The following TLN2 variants were observed in gnomAD, a reference collection of about 807,000 sequenced individuals.
TLN2 encodes the protein talin-2.
In TLN2, 118 loss-of-function variants were observed where a neutral mutation model predicts 294.7. That is an observed-to-expected ratio of 0.40 (90% CI 0.34 to 0.47). The LOEUF (loss-of-function observed/expected upper bound fraction) is 0.47. TLN2 is among the 20% of genes least tolerant of loss of function. The probability of loss-of-function intolerance (pLI) is 0.84; values close to 1 mark genes in which losing one functional copy is unlikely to be tolerated. For synonymous variants in TLN2, 1,431 were observed against 1,304.5 expected, an observed-to-expected ratio of 1.10 and a Z score of -2.09; for missense variants, 3,083 against 3,282.2, an observed-to-expected ratio of 0.94 and a Z score of 1.48.
At chr15:62,793,902 G>T (rs1327078170) in intron 46 of TLN2, among the ~76,000 whole-genome samples, 1 of 147,790 alleles carries the variant, frequency 6.8e-6, no homozygotes, top group Admixed American at 6.9e-5. Flanking sequence ...AGGCTGCTCT[G>T]TCCGTGGCCC....
chr15:62,518,391 T>G (rs2040289762), intron 1 of TLN2, among the ~76,000 whole-genome samples: 1 of 152,076 alleles, frequency 6.6e-6, no homozygotes, highest in African/African-American at 2.4e-5. Context: ...CTTGGAGAAG[T>G]AGGAGGAGCG....
chr15:62,586,469 C>G (rs984772515), intron 1 of TLN2, among the ~76,000 whole-genome samples: 1 of 152,120 alleles, frequency 6.6e-6, no homozygotes, highest in Non-Finnish European at 1.5e-5. Flanking sequence ...ACTTTTTAGC[C>G]AAGTTTATAA....
intron 1 of TLN2, among the ~76,000 whole-genome samples, chr15:62,585,779 G>A (rs748106391): frequency 4.6e-5 from 7 of 152,100 alleles, no homozygotes; most frequent in Non-Finnish European, 8.8e-5. Context: ...TTCATAATAG[G>A]CATTTTAAAC....
At chr15:62,481,793 TCTTTC>T (rs1246031316) in intron 1 of TLN2, among the ~76,000 whole-genome samples, 5 of 129,336 alleles carry the variant, frequency 3.9e-5, no homozygotes, top group South Asian at 2.6e-4. Context: ...TCTTTTTCTT[TCTTTC>T]TTTTTTTTTT....
chr15:62,766,252 C>G (rs908474918), intron 40 of TLN2, 69 bp from the exon 41 acceptor site: 14 of 1,362,246 alleles, frequency 1.0e-5, no homozygotes, highest in Non-Finnish European at 1.4e-5. Context: ...TTCAGAGGGG[C>G]CTTTTTGAAT....
chr15:62,761,105 G>C (rs1595902152), intron 37 of TLN2, among the ~76,000 whole-genome samples: 3 of 152,112 alleles, frequency 2.0e-5, no homozygotes, highest in African/African-American at 7.2e-5. Flanking sequence ...TGTATGGCTG[G>C]GGGTAGTTCT....
At chr15:62,823,105 CTTTG>C (rs2067724988) in intron 54 of TLN2, among the ~76,000 whole-genome samples, 2 of 152,196 alleles carry the variant, frequency 1.3e-5, no homozygotes, top group South Asian at 4.2e-4. Flanking sequence ...GATGTGAATC[CTTTG>C]TTTGAGGGTT....
intron 4 of TLN2, among the ~76,000 whole-genome samples, chr15:62,649,804 T>A (rs1199511993): frequency 6.6e-6 from 1 of 152,180 alleles, no homozygotes; most frequent in Non-Finnish European, 1.5e-5. Context: ...AGAAAGAAAT[T>A]TGGACTGCTT....
chr15:62,578,023 T>G (rs1163553591), intron 1 of TLN2, among the ~76,000 whole-genome samples: 1 of 152,240 alleles, frequency 6.6e-6, no homozygotes, highest in Non-Finnish European at 1.5e-5. Flanking sequence ...GGACATGAAC[T>G]CATCCTTTTT....
intron 1 of TLN2, among the ~76,000 whole-genome samples, chr15:62,474,208 A>G (rs181520776): frequency 2.6e-5 from 4 of 152,360 alleles, no homozygotes; most frequent in Admixed American, 2.6e-4. Flanking sequence ...TGAGGTTCAG[A>G]AAAGAAATTT....
At chr15:62,596,566 C>T (rs1046311326) in intron 2 of TLN2, among the ~76,000 whole-genome samples, 42 of 152,032 alleles carry the variant, frequency 2.8e-4, no homozygotes, top group African/African-American at 7.2e-4. Context: ...GGCAAAACCC[C>T]GTCTCTACTA....
At chr15:62,768,126 C>T (rs1425606865) in intron 41 of TLN2, among the ~76,000 whole-genome samples, 1 of 152,090 alleles carries the variant, frequency 6.6e-6, no homozygotes, top group African/African-American at 2.4e-5. Context: ...CGTGTGGGGC[C>T]CCAGATCAGC....
chr15:62,481,239 TGA>T (rs772087121), intron 1 of TLN2, among the ~76,000 whole-genome samples: 2 of 152,094 alleles, frequency 1.3e-5, no homozygotes, highest in African/African-American at 4.8e-5. Context: ...TTTCTCTTGC[TGA>T]GAGAGTCTCA....
At chr15:62,607,481 A>C (rs1214174096) in intron 2 of TLN2, among the ~76,000 whole-genome samples, 1 of 152,176 alleles carries the variant, frequency 6.6e-6, no homozygotes, top group African/African-American at 2.4e-5. Context: ...AAAGTGGATG[A>C]CAGTAGTTGG....
At chr15:62,747,689 C>T (rs560088386) in intron 32 of TLN2, among the ~76,000 whole-genome samples, 12 of 152,102 alleles carry the variant, frequency 7.9e-5, no homozygotes, top group Non-Finnish European at 2.9e-5. Flanking sequence ...TTAGGGGCAC[C>T]GACCCCTGCA....
At chr15:62,741,089 T>G (rs1330332341) in intron 32 of TLN2, among the ~76,000 whole-genome samples, 2 of 152,234 alleles carry the variant, frequency 1.3e-5, no homozygotes, top group Non-Finnish European at 2.9e-5. Context: ...ATCTTTCTGA[T>G]TATAAAATAG....
At chr15:62,619,207 G>GT (rs890118621) in intron 3 of TLN2, among the ~76,000 whole-genome samples, 16 of 152,250 alleles carry the variant, frequency 1.1e-4, no homozygotes, top group Admixed American at 6.5e-4. Flanking sequence ...CAGTATGCAT[G>GT]TTTTTTCTGA....
Position 62,835,941 on chromosome 15 carries a change from C to T in TLN2, c.7242C>T (p.Ala2414=). The change falls in exon 57 of 59, where the codon GCC becomes GCT. Residue 2414 remains alanine (A), a synonymous_variant. Transcript: ENST00000636159. ...ATSSLCEAAN[A]SVQGHASEEK... ...GCAGTCTCTGTGAGGCGGCCAATGCCTCCGTTCAGGGACACGCCAGCGAGG... is the reference window on the plus strand; with the variant it reads ...GCAGTCTCTGTGAGGCGGCCAATGCTTCCGTTCAGGGACACGCCAGCGAGG... The T allele has an allele frequency of 3.1e-6, 5 of 1,614,228 alleles. No homozygotes were observed. Among genetic ancestry groups the T allele is most frequent in the Non-Finnish European group, 4.2e-6 (5 of 1,180,042 alleles).
intron 1 of TLN2, among the ~76,000 whole-genome samples, chr15:62,571,476 C>T (rs145588485): frequency 6.6e-6 from 1 of 152,338 alleles, no homozygotes. Context: ...TAAAACCTTA[C>T]ATATTTTTAT....
Sources: gnomAD v4.1 joint callset for allele counts (sites outside exome capture counted in the v4.1 genomes callset) on GRCh38, gnomAD v4.1.1 for gene constraint, MANE v1.5 for transcripts, NCBI Gene and HGNC (gene_info 2026-07-23, HGNC 2026-07-21) for gene names.